RUBCNL: variants seen among roughly 807,000 people sequenced by gnomAD.
The protein encoded by RUBCNL is protein associated with UVRAG as autophagy enhancer.
A neutral mutation model predicts 69.5 loss-of-function variants in RUBCNL; 62 were observed. The ratio of observed to expected loss-of-function variants is 0.89; its 90% CI spans 0.73 to 1.10. The LOEUF (loss-of-function observed/expected upper bound fraction) is 1.10, where lower values mean the gene tolerates loss of function less well. Among genes scored for constraint, RUBCNL ranks in the 50% least tolerant of loss-of-function variants. The probability of loss-of-function intolerance (pLI) is 0.00; values close to 1 mark genes in which losing one functional copy is unlikely to be tolerated. For missense variants in RUBCNL, 768 were observed against 798.1 expected (o/e 0.96, Z 0.45); for synonymous variants, 291 against 303.6 (o/e 0.96, Z 0.43).
rs1406339542 is a variant in RUBCNL, at chr13:46,343,172, C to T, written c.*213G>A. 4 of 747,870 alleles carry T rather than the reference C, an allele frequency of 5.3e-6. No individual in the cohort carries two copies. Among genetic ancestry groups the T allele is most frequent in the African/African-American group, 5.3e-5 (3 of 56,232 alleles). The allele number at this position is 747,870 out of a possible 1,614,324, so 46.3% of individuals were successfully genotyped here. A position where few individuals can be genotyped will look rare whatever the true frequency, so the allele number is the denominator to read the frequency against. On this transcript the variant is annotated 3_prime_UTR_variant, in exon 15 of 15. Coordinates refer to ENST00000429979, the MANE Select transcript of RUBCNL (RefSeq NM_025113.5). ...AAAACCAATAGCAGCCAAAACAGAA[C>T]ATTTGTAAACAAAACCACAACTATC...
intron 5 of RUBCNL, among the ~76,000 whole-genome samples, chr13:46,365,826 A>G (rs2048742099): frequency 6.6e-6 from 1 of 152,258 alleles, no homozygotes; most frequent in Admixed American, 6.5e-5. Context: ...GCCATTATAG[A>G]GGACAAAAAG....
chr13:46,374,122 C>T (rs557337178), intron 2 of RUBCNL, among the ~76,000 whole-genome samples: 1 of 152,364 alleles, frequency 6.6e-6, no homozygotes, highest in East Asian at 1.9e-4. Context: ...TACTCTTGCC[C>T]AGGCTGGAGT....
intron 2 of RUBCNL, among the ~76,000 whole-genome samples, chr13:46,374,109 T>C (rs1005394450): frequency 6.6e-6 from 1 of 152,364 alleles, no homozygotes; most frequent in Admixed American, 6.5e-5. Context: ...ATTTCTCTGC[T>C]GTTACTCTTG....
intron 3 of RUBCNL, among the ~76,000 whole-genome samples, chr13:46,371,427 A>C (rs2048872524): frequency 6.6e-6 from 1 of 152,220 alleles, no homozygotes; most frequent in South Asian, 2.1e-4. Context: ...TAGCAGTGAG[A>C]GCCCTTGTTT....
intron 10 of RUBCNL, among the ~76,000 whole-genome samples, chr13:46,352,857 A>G (rs1213509480): frequency 1.3e-5 from 2 of 152,240 alleles, no homozygotes; most frequent in Non-Finnish European, 2.9e-5. Context: ...GAGCGACCAC[A>G]GAAATGAATC....
chr13:46,375,242 T>C (rs2138818288), intron 2 of RUBCNL, among the ~76,000 whole-genome samples: 1 of 152,176 alleles, frequency 6.6e-6, no homozygotes, highest in African/African-American at 2.4e-5. Flanking sequence ...AGTTAAGAGC[T>C]AGAGAAAAGA....
rs2048100680 is a variant in RUBCNL, at chr13:46,335,588, T to A, written c.*7797A>T. ...AAATTGCCACTTGGTAGCTCAACAA[T>A]TATAAAATAGCAGCAATGCTACGTA... On this transcript the variant is annotated 3_prime_UTR_variant, in exon 15 of 15. Transcript: ENST00000429979. 6.6e-6 allele frequency among the ~76,000 whole-genome samples: 1 copy of A among 152,196 alleles called. No homozygotes were observed. Among genetic ancestry groups the A allele is most frequent in the Admixed American group, 6.5e-5 (1 of 15,282 alleles).
intron 2 of RUBCNL, 97 bp from the exon 3 acceptor site, chr13:46,372,694 T>C (rs751103299): frequency 3.5e-6 from 4 of 1,143,598 alleles, no homozygotes; most frequent in Non-Finnish European, 4.7e-6. Context: ...AATTTAGAAG[T>C]CTGTACTTGG....
chr13:46,353,102 C>T (rs899150411), intron 10 of RUBCNL, among the ~76,000 whole-genome samples: 1 of 152,094 alleles, frequency 6.6e-6, no homozygotes, highest in African/African-American at 2.4e-5. Context: ...ATGTCCCACT[C>T]CTCCTCCGCT....
intron 5 of RUBCNL, among the ~76,000 whole-genome samples, chr13:46,366,498 A>G (rs1447564548): frequency 6.6e-6 from 1 of 152,204 alleles, no homozygotes; most frequent in African/African-American, 2.4e-5. Flanking sequence ...TCCCAGATAT[A>G]TTTCCCACCA....
chr13:46,387,411 C>G, upstream of RUBCNL: 2 of 985,500 alleles, frequency 2.0e-6, no homozygotes, highest in Non-Finnish European at 2.4e-6. Flanking sequence ...GGAAGAAACT[C>G]TGGAGATGCG....
chr13:46,386,727 T>A (rs1485827174), intron 1 of RUBCNL, among the ~76,000 whole-genome samples: 5 of 152,324 alleles, frequency 3.3e-5, no homozygotes, highest in Non-Finnish European at 5.9e-5. Context: ...CGACTTTGGC[T>A]GTGTTGAGGA....
chr13:46,352,194 T>C (rs2138701808), intron 10 of RUBCNL, among the ~76,000 whole-genome samples: 1 of 152,248 alleles, frequency 6.6e-6, no homozygotes, highest in African/African-American at 2.4e-5. Flanking sequence ...TAAAATACAT[T>C]AACAAACAAA....
intron 5 of RUBCNL, among the ~76,000 whole-genome samples, chr13:46,364,667 CAG>C (rs1436045861): frequency 6.7e-6 from 1 of 148,704 alleles, no homozygotes; most frequent in Non-Finnish European, 1.5e-5. Flanking sequence ...TGCTCACCCT[CAG>C]TGAGATGCAC....
At chr13:46,347,757 C>T (rs923787103) in intron 12 of RUBCNL, among the ~76,000 whole-genome samples, 1 of 151,810 alleles carries the variant, frequency 6.6e-6, no homozygotes, top group Non-Finnish European at 1.5e-5. Flanking sequence ...TTTGGGAGGC[C>T]GAGGCGGGCA....
intron 1 of RUBCNL, among the ~76,000 whole-genome samples, chr13:46,381,014 G>A (rs569183014): frequency 9.2e-5 from 14 of 152,180 alleles, no homozygotes; most frequent in African/African-American, 2.9e-4. Context: ...TCCATGTTTG[G>A]GCAAATAAAA....
intron 1 of RUBCNL, chr13:46,385,139 G>T: frequency 7.2e-6 from 2 of 276,954 alleles, no homozygotes; most frequent in South Asian, 1.4e-4. Context: ...GAACAGAATT[G>T]TAGCACGTGT....
At chr13:46,386,248 T>C (rs2138865531) in intron 1 of RUBCNL, among the ~76,000 whole-genome samples, 1 of 151,936 alleles carries the variant, frequency 6.6e-6, no homozygotes, top group Non-Finnish European at 1.5e-5. Context: ...TTCAAGAAGG[T>C]TTCTTGACTT....
In RUBCNL at chr13:46,344,801, A is replaced by T. The variant is rs2048209194; in HGVS notation, c.1816T>A (p.Phe606Ile). 1 of 1,611,862 alleles carries T rather than the reference A, an allele frequency of 6.2e-7. No homozygotes were observed. Among genetic ancestry groups the T allele is most frequent in the Admixed American group, 1.7e-5 (1 of 59,802 alleles). ...LCQGKGFICE[F>I]CQNTTVIFPF... is the part of the protein sequence containing the mutation. ...AAGATGACAGTCGTATTCTGGCAAA[A>T]TTCACAAATAAAGCCCTTTCCTTGA... The change falls in exon 14 of 15, where the codon TTT becomes ATT. Residue 606 changes from phenylalanine (F) to isoleucine (I), a missense_variant. Phe to Ile is a conservative substitution (Grantham distance 21). Transcript: ENST00000429979.
Sources: allele counts gnomAD v4.1 joint callset (sites outside exome capture counted in the v4.1 genomes callset), GRCh38; gene constraint gnomAD v4.1.1; transcripts MANE v1.5; gene names NCBI Gene and HGNC (gene_info 2026-07-23, HGNC 2026-07-21).